EME2: variants seen among roughly 807,000 people sequenced by gnomAD.
The protein encoded by EME2 is structure-specific endonuclease subunit EME2.
In EME2, 58 loss-of-function variants were observed where a neutral mutation model predicts 41.9. That is an observed-to-expected ratio of 1.38 (90% CI 1.12 to 1.72). The LOEUF is 1.72. Among genes scored for constraint, EME2 ranks in the 40% most tolerant of loss-of-function variants. The pLI, the probability that EME2 is intolerant of heterozygous loss-of-function variation, is 0.00. For missense variants in EME2, 695 were observed against 541.9 expected (o/e 1.28, Z -2.81); for synonymous variants, 334 against 239.3 (o/e 1.40, Z -3.65).
Position 1,777,668 on chromosome 16 carries a change from T to C in EME2, c.*1430T>C, listed in dbSNP as rs2042734183. 1 of 1,575,382 alleles carries C rather than the reference T, an allele frequency of 6.3e-7. No individual in the cohort carries two copies. Among genetic ancestry groups the C allele is most frequent in the Non-Finnish European group, 8.6e-7 (1 of 1,159,768 alleles). On this transcript the variant is annotated 3_prime_UTR_variant, in exon 8 of 8. Transcript: ENST00000568449. ...GAGGAACCCTTTCAGAAAACCTCAG[T>C]GTCCCCTGGGCTGGGGCGGGGTGGC...
chr16:1,775,946 C>A lies in EME2; in HGVS notation c.929C>A (p.Ala310Glu), dbSNP rs771754192. The part of the protein sequence containing the change: ...FSRVSPAVAD[A>E]VVTAFPSPRL... ...CGGGTCAGCCCAGCCGTGGCTGATG[C>A]AGTTGTCACAGCCTTCCCCTCCCCC... Residue 310 changes from alanine to glutamate, a missense_variant, in exon 7 of 8, where the codon GCA becomes GAA. Ala to Glu is a moderately radical substitution (Grantham distance 107). Transcript: ENST00000568449. 6.2e-7 allele frequency: 1 copy of A among 1,611,014 alleles called. No individual in the cohort carries two copies. Among genetic ancestry groups the A allele is most frequent in the East Asian group, 2.2e-5 (1 of 44,864 alleles).
Position 1,777,025 on chromosome 16 carries a change from A to T in EME2, c.*787A>T. Reference sequence around the variant, plus strand: ...CCGCCCTGGAGTGTGGCTGGAAGGAAGGGACAGAGAAAGAAGGGACAGAGG... The same window carrying T: ...CCGCCCTGGAGTGTGGCTGGAAGGATGGGACAGAGAAAGAAGGGACAGAGG... On this transcript the variant is annotated 3_prime_UTR_variant, in exon 8 of 8. Transcript: ENST00000568449. The T allele has an allele frequency of 1.3e-6, 2 of 1,514,590 alleles. No homozygotes were observed. The highest frequency in any genetic ancestry group is 1.2e-5 in the South Asian group (1 of 80,852). 93.8% of individuals were successfully genotyped at this position (1,514,590 alleles called of 1,614,324 possible).
intron 2 of EME2, among the ~76,000 whole-genome samples, 184 bp from the exon 3 acceptor site, chr16:1,774,076 C>G (rs2042673438): frequency 6.6e-6 from 1 of 152,242 alleles, no homozygotes; most frequent in South Asian, 2.1e-4. Context: ...TTCCTGCCAG[C>G]CACAGAGACC....
rs779930109 is a variant in EME2, at chr16:1,775,936, G to A, written c.919G>A (p.Val307Met). The stretch of plus-strand genomic sequence containing the variant: ...GCAGTTCAGTCGGGTCAGCCCAGCC[G>A]TGGCTGATGCAGTTGTCACAGCCTT... ...IRQFSRVSPA[V>M]ADAVVTAFPS... is the part of the protein sequence containing the mutation. The change falls in exon 7 of 8, where the codon GTG (valine) becomes ATG (methionine). Residue 307 changes from valine to methionine, a missense_variant. Physicochemically the swap from Val to Met is conservative, Grantham distance 21. Coordinates refer to ENST00000568449, the MANE Select transcript of EME2 (RefSeq NM_001257370.2). The A allele has an allele frequency of 2.5e-5, 41 of 1,611,660 alleles. No individual in the cohort carries two copies. The highest frequency in any genetic ancestry group is 4.5e-5 in the East Asian group (2 of 44,890).
In EME2 at chr16:1,780,884, C is replaced by T. The variant is rs1277154875; in HGVS notation, c.*4646C>T. The T allele has an allele frequency of 3.0e-6, 1 of 333,064 alleles. No homozygotes were observed. Among genetic ancestry groups the T allele is most frequent in the African/African-American group, 2.2e-5 (1 of 46,278 alleles). The allele number at this position is 333,064 out of a possible 1,614,324, so 20.6% of individuals were successfully genotyped here. A position where few individuals can be genotyped will look rare whatever the true frequency, so the allele number is the denominator to read the frequency against. ...AGTCGTTGGGACTACAGGCACGTGC[C>T]ACCACGCCTGACACATTTTTTAAAT... On this transcript the variant is annotated 3_prime_UTR_variant, in exon 8 of 8. Transcript: ENST00000568449.
rs768984098 is a variant in EME2 at position 1,780,416 on chromosome 16, G to C, written c.*4178G>C. The stretch of plus-strand genomic sequence containing the variant: ...GTCAGGCCAGGCAGCTGCCCTCAGG[G>C]TCTGCCAAGGTGGGGGTCAGGGGCC... On this transcript the variant is annotated 3_prime_UTR_variant, in exon 8 of 8. Coordinates refer to ENST00000568449, the MANE Select transcript of EME2 (RefSeq NM_001257370.2). The C allele has an allele frequency of 1.3e-5, 2 of 152,384 alleles. No homozygotes were observed. The highest frequency in any genetic ancestry group is 3.8e-4 in the East Asian group (2 of 5,206). The allele number at this position is 152,384 out of a possible 1,614,324, so 9.4% of individuals were successfully genotyped here.
chr16:1,775,154 A>G (rs1480563022), intron 4 of EME2, 22 bp downstream of exon 4: 1 of 1,610,486 alleles, frequency 6.2e-7, no homozygotes, highest in Non-Finnish European at 8.5e-7. Flanking sequence ...TCTCATGCCC[A>G]CAGCAGGGCT....
At position 1,777,555 on chromosome 16, in the gene EME2, G is replaced by A. The variant is rs1234732875; in HGVS notation, c.*1317G>A. The A allele has an allele frequency of 4.6e-5, 62 of 1,355,112 alleles. No homozygotes were observed. The highest frequency in any genetic ancestry group is 6.1e-5 in the Non-Finnish European group (62 of 1,020,238). The allele number at this position is 1,355,112 out of a possible 1,614,324, so 83.9% of individuals were successfully genotyped here. A position where few individuals can be genotyped will look rare whatever the true frequency, so the allele number is the denominator to read the frequency against. On this transcript the variant is annotated 3_prime_UTR_variant, in exon 8 of 8. Coordinates refer to ENST00000568449, the MANE Select transcript of EME2 (RefSeq NM_001257370.2). Reference sequence around the variant, plus strand: ...CCGGGTGGGCAGCTGGCACAGCTGAGGCAAGGCAGGGTGCACGCGCTGGCC... The same window carrying A: ...CCGGGTGGGCAGCTGGCACAGCTGAAGCAAGGCAGGGTGCACGCGCTGGCC...
At chr16:1,773,551 G>A in intron 1 of EME2, 77 bp downstream of exon 1, 1 of 1,518,772 alleles carries the variant, frequency 6.6e-7, no homozygotes, top group Non-Finnish European at 8.8e-7. Context: ...GTCCGACTGG[G>A]CGGGGCGCGC....
In EME2 at chr16:1,773,081, CT is replaced by C; in HGVS notation, c.-146del. Reference sequence around the variant, plus strand: ...GCAGGGCGCGCACGCGGCGGGCCAGCTCCGCGATCAGCCGCGGACGCACCTT... The same window carrying C: ...GCAGGGCGCGCACGCGGCGGGCCAGCCCGCGATCAGCCGCGGACGCACCTT... On this transcript the variant is annotated 5_prime_UTR_variant, in exon 1 of 8. Transcript: ENST00000568449. The C allele has an allele frequency of 7.1e-7, 1 of 1,412,394 alleles. No individual in the cohort carries two copies. Among genetic ancestry groups the C allele is most frequent in the Non-Finnish European group, 9.2e-7 (1 of 1,086,924 alleles). 87.5% of individuals were successfully genotyped at this position (1,412,394 alleles called of 1,614,324 possible). A position where few individuals can be genotyped will look rare whatever the true frequency, so the allele number is the denominator to read the frequency against.
chr16:1,775,630 A>G lies in EME2; in HGVS notation c.725A>G (p.Glu242Gly). ...LDVLLVASWQ[E>G]LSRHVCAVTK... The stretch of plus-strand genomic sequence containing the variant: ...GTGCTACTGGTGGCCTCTTGGCAGG[A>G]GCTGAGTCGGCACGTGTGCGCCGTT... Residue 242 changes from glutamate to glycine, a missense_variant, in exon 6 of 8, where the codon GAG becomes GGG. Glu to Gly is a moderately conservative substitution (Grantham distance 98, BLOSUM62 -2). Coordinates refer to ENST00000568449, the MANE Select transcript of EME2 (RefSeq NM_001257370.2). 6.2e-7 allele frequency: 1 copy of G among 1,612,808 alleles called. No individual in the cohort carries two copies. The highest frequency in any genetic ancestry group is 8.5e-7 in the Non-Finnish European group (1 of 1,180,002).
In EME2 at chr16:1,777,232, G is replaced by A; in HGVS notation, c.*994G>A. On this transcript the variant is annotated 3_prime_UTR_variant, in exon 8 of 8. Coordinates refer to ENST00000568449, the MANE Select transcript of EME2 (RefSeq NM_001257370.2). ...TCATGCTCAGGACCCAGCCCAGCTT[G>A]TTGTGTAGCACCTGCTTGAGGCCCG... 1 of 1,610,824 alleles carries A rather than the reference G, an allele frequency of 6.2e-7. No individual in the cohort carries two copies. The highest frequency in any genetic ancestry group is 1.3e-5 in the African/African-American group (1 of 75,032).
At position 1,777,950 on chromosome 16, in the gene EME2, G is replaced by A. The variant is rs2042738810; in HGVS notation, c.*1712G>A. ...CCCACCCTGGGCCTCACGCACCCGT[G>A]TAGGAGAGGCCCCAGCTGTCCTCAT... On this transcript the variant is annotated 3_prime_UTR_variant, in exon 8 of 8. Coordinates refer to ENST00000568449, the MANE Select transcript of EME2 (RefSeq NM_001257370.2). 1.2e-6 allele frequency: 2 copies of A among 1,612,568 alleles called. No homozygotes were observed.
In EME2 at chr16:1,773,395, G is replaced by A. The variant is rs1387566462; in HGVS notation, c.168G>A (p.Glu56=). 4 of 1,561,236 alleles carry A rather than the reference G, an allele frequency of 2.6e-6. No individual in the cohort carries two copies. The South Asian group carries it at 3.4e-5, about 13-fold the overall frequency. ...CGAGAGCCCGGGACCCAGCGGGTGA[G>A]CGCAGGGCGGCTGCCGAGGCGTTGC... is the stretch of plus-strand genomic sequence containing the variant. The part of the protein sequence containing the change: ...AAARARDPAG[E]RRAAAEALRL... The change falls in exon 1 of 8, where the codon GAG becomes GAA. Residue 56 remains glutamate (E), a synonymous_variant. Coordinates refer to ENST00000568449, the MANE Select transcript of EME2 (RefSeq NM_001257370.2).
At position 1,773,790 on chromosome 16, in the gene EME2, G is replaced by GGCC. The variant is rs1375396260; in HGVS notation, c.334_336dup (p.Ala112dup). 6.4e-7 allele frequency: 1 copy of GGCC among 1,554,504 alleles called. No homozygotes were observed. Among genetic ancestry groups the GGCC allele is most frequent in the Non-Finnish European group, 8.7e-7 (1 of 1,150,910 alleles). On this transcript the variant is annotated inframe_insertion, in exon 2 of 8. Transcript: ENST00000568449. ...AGTGCCGCATCGAGCCCCAGCGCCC[G>GGCC]GCCCGCAGCCTGCGGTGGACCCGAG...
chr16:1,780,524 C>T lies in EME2; in HGVS notation c.*4286C>T, dbSNP rs1214438628. ...CAGACAGACAAACACCTGAGCTGTT[C>T]TGAATACCTTCAGGTTCCTGGCCTC... On this transcript the variant is annotated 3_prime_UTR_variant, in exon 8 of 8. Coordinates refer to ENST00000568449, the MANE Select transcript of EME2 (RefSeq NM_001257370.2). 6.5e-6 allele frequency: 1 copy of T among 153,158 alleles called. No homozygotes were observed. Among genetic ancestry groups the T allele is most frequent in the Non-Finnish European group, 1.5e-5 (1 of 68,712 alleles). 9.5% of individuals were successfully genotyped at this position (153,158 alleles called of 1,614,324 possible). A position where few individuals can be genotyped will look rare whatever the true frequency, so the allele number is the denominator to read the frequency against.
Position 1,780,035 on chromosome 16 carries a change from C to T in EME2, c.*3797C>T, listed in dbSNP as rs1471048073. 6.6e-6 allele frequency: 1 copy of T among 152,312 alleles called. No homozygotes were observed. Among genetic ancestry groups the T allele is most frequent in the South Asian group, 2.1e-4 (1 of 4,830 alleles). 9.4% of individuals were successfully genotyped at this position (152,312 alleles called of 1,614,324 possible). ...GAGTCCTCACTCAGAGGAGAGGAGCCCACCCCTCCCAGGACACCTGGCTGA... is the reference window on the plus strand; with the variant it reads ...GAGTCCTCACTCAGAGGAGAGGAGCTCACCCCTCCCAGGACACCTGGCTGA... On this transcript the variant is annotated 3_prime_UTR_variant, in exon 8 of 8. Coordinates refer to ENST00000568449, the MANE Select transcript of EME2 (RefSeq NM_001257370.2).
At position 1,781,096 on chromosome 16, in the gene EME2, G is replaced by A. The variant is rs1309802420; in HGVS notation, c.*4858G>A. On this transcript the variant is annotated 3_prime_UTR_variant, in exon 8 of 8. Coordinates refer to ENST00000568449, the MANE Select transcript of EME2 (RefSeq NM_001257370.2). ...CTGCCAACCTCTCCATGCACCATGT[G>A]TTTCAGAGGAGAAAGCACAGTGAAG... is the stretch of plus-strand genomic sequence containing the variant. The A allele has an allele frequency of 2.2e-6, 3 of 1,342,268 alleles. No individual in the cohort carries two copies. In the African/African-American group the frequency reaches 4.4e-5, roughly 19 times the overall value. The allele number at this position is 1,342,268 out of a possible 1,614,324, so 83.1% of individuals were successfully genotyped here. A position where few individuals can be genotyped will look rare whatever the true frequency, so the allele number is the denominator to read the frequency against.
At chr16:1,773,592 C>T (rs948748118) in intron 1 of EME2, 113 bp from the exon 2 acceptor site, 12 of 1,521,976 alleles carry the variant, frequency 7.9e-6, no homozygotes, top group Non-Finnish European at 1.1e-5. Flanking sequence ...GGGCCCGCCT[C>T]CCAGTCGGGG....
Sources: gnomAD v4.1 joint callset for allele counts (sites outside exome capture counted in the v4.1 genomes callset) on GRCh38, gnomAD v4.1.1 for gene constraint, MANE v1.5 for transcripts, NCBI Gene and HGNC (gene_info 2026-07-23, HGNC 2026-07-21) for gene names.